Variants in NAALADL2 observed in about 807,000 individuals in gnomAD.
The protein encoded by NAALADL2 is N-acetylated alpha-linked acidic dipeptidase like 2.
Under a neutral mutation model 87.2 loss-of-function variants are expected in NAALADL2, and 76 were observed. That is an observed-to-expected ratio of 0.87 (90% confidence interval 0.72 to 1.05). NAALADL2 has a LOEUF of 1.05. Among genes scored for constraint, NAALADL2 ranks in the 50% least tolerant of loss-of-function variants. The probability of loss-of-function intolerance (pLI) is 0.00; values close to 1 mark genes in which losing one functional copy is unlikely to be tolerated. For synonymous variants in NAALADL2, 354 were observed against 331.0 expected, an observed-to-expected ratio of 1.07 and a Z score of -0.75; for missense variants, 1,089 against 945.8, an observed-to-expected ratio of 1.15 and a Z score of -1.99.
At chr3:175,121,215 C>T (rs1033122686) in intron 2 of NAALADL2, among the ~76,000 whole-genome samples, 2 of 151,876 alleles carry the variant, frequency 1.3e-5, no homozygotes, top group Non-Finnish European at 2.9e-5. Context: ...CCATACAGAT[C>T]TATAAGTGTG....
chr3:174,874,399 A>G (rs530719715), intron 1 of NAALADL2, among the ~76,000 whole-genome samples: 107 of 152,306 alleles, frequency 7.0e-4, no homozygotes, highest in Non-Finnish European at 1.3e-3. Context: ...ATAAGGCAGC[A>G]TGGGGATTTC....
intron 11 of NAALADL2, among the ~76,000 whole-genome samples, chr3:175,662,239 T>A (rs545009292): frequency 5.5e-4 from 83 of 152,082 alleles, no homozygotes; most frequent in African/African-American, 2.0e-3. Flanking sequence ...AGATTTATTT[T>A]ATTTATTTAT....
At chr3:175,773,362 G>A (rs1348147550) in intron 13 of NAALADL2, 1 of 151,944 alleles carries the variant, frequency 6.6e-6, no homozygotes, top group Non-Finnish European at 1.5e-5. Context: ...TTTCATTTCT[G>A]TATTTTTATT....
chr3:175,734,857 G>A (rs888080633), intron 11 of NAALADL2, among the ~76,000 whole-genome samples: 1 of 152,190 alleles, frequency 6.6e-6, no homozygotes, highest in African/African-American at 2.4e-5. Flanking sequence ...TCTCTGACAT[G>A]CCCTAGAGAC....
At chr3:175,288,392 A>G (rs1484154256) in intron 4 of NAALADL2, among the ~76,000 whole-genome samples, 1 of 152,184 alleles carries the variant, frequency 6.6e-6, no homozygotes, top group Non-Finnish European at 1.5e-5. Context: ...CCTCACAGAC[A>G]TACCCAGATT....
chr3:175,508,762 G>C (rs1414211489), intron 9 of NAALADL2, among the ~76,000 whole-genome samples: 3 of 151,946 alleles, frequency 2.0e-5, no homozygotes, highest in African/African-American at 7.2e-5. Context: ...TTTAATTGGT[G>C]CTTTTGGGTC....
intron 1 of NAALADL2, among the ~76,000 whole-genome samples, chr3:175,085,121 G>A (rs1355026861): frequency 6.6e-6 from 1 of 152,100 alleles, no homozygotes; most frequent in African/African-American, 2.4e-5. Flanking sequence ...GCCTTCATGG[G>A]ATTCCTTCCT....
intron 11 of NAALADL2, among the ~76,000 whole-genome samples, chr3:175,645,427 GC>G (rs1729866189): frequency 6.6e-6 from 1 of 152,146 alleles, no homozygotes; most frequent in Non-Finnish European, 1.5e-5. Context: ...TACAAACTAT[GC>G]TAAGGCTTTG....
intron 9 of NAALADL2, among the ~76,000 whole-genome samples, chr3:175,495,092 A>ATATATTTTT (rs754412056): frequency 7.3e-6 from 1 of 136,502 alleles, no homozygotes; most frequent in African/African-American, 2.9e-5. Flanking sequence ...ATATATATAT[A>ATATATTTTT]TTTTTTTTTA....
At chr3:175,738,989 T>C (rs896513086) in intron 12 of NAALADL2, among the ~76,000 whole-genome samples, 1 of 152,220 alleles carries the variant, frequency 6.6e-6, no homozygotes, top group Non-Finnish European at 1.5e-5. Context: ...TTTTTATATT[T>C]TATACTTCAG....
chr3:175,402,895 A>G (rs1711574694), intron 5 of NAALADL2, among the ~76,000 whole-genome samples: 2 of 152,140 alleles, frequency 1.3e-5, no homozygotes, highest in Admixed American at 1.3e-4. Context: ...GAGCTCTCTG[A>G]GAGAAGGGCA....
At position 175,773,877 on chromosome 3, in the gene NAALADL2, C is replaced by T. The variant is rs138092965; in HGVS notation, c.2189+18459C>T. Among the ~76,000 whole-genome samples, 307 of 152,116 alleles carry T rather than the reference C, an allele frequency of 2.0e-3. 2 individuals carry two copies. Among genetic ancestry groups the T allele is most frequent in the African/African-American group, 7.1e-3 (294 of 41,518 alleles). On this transcript the variant is annotated intron_variant, in intron 13 of 13. Transcript: ENST00000454872. Reference sequence around the variant, plus strand: ...CATTAAGATTCACTGAATTTGAGACCATGAAGCCAACTATATAGCCACTCT... The same window carrying T: ...CATTAAGATTCACTGAATTTGAGACTATGAAGCCAACTATATAGCCACTCT...
At chr3:175,521,126 A>G (rs1462610798) in intron 9 of NAALADL2, among the ~76,000 whole-genome samples, 2 of 151,940 alleles carry the variant, frequency 1.3e-5, no homozygotes, top group East Asian at 1.9e-4. Context: ...ATTATAAATT[A>G]AAAGCTAATA....
chr3:175,276,051 T>G (rs1049582394), intron 4 of NAALADL2, among the ~76,000 whole-genome samples: 1 of 151,400 alleles, frequency 6.6e-6, no homozygotes, highest in Non-Finnish European at 1.5e-5. Context: ...AAAAATGGCC[T>G]TATTTTTAAT....
At chr3:174,705,047 C>T (rs1262807626) in intron 2 of NAALADL2, among the ~76,000 whole-genome samples, 1 of 152,202 alleles carries the variant, frequency 6.6e-6, no homozygotes, top group Non-Finnish European at 1.5e-5. Context: ...ATTATTTACC[C>T]AGTTTTTACA....
chr3:175,564,817 T>A (rs1217899362), intron 9 of NAALADL2, among the ~76,000 whole-genome samples: 5 of 152,192 alleles, frequency 3.3e-5, no homozygotes, highest in African/African-American at 1.2e-4. Context: ...CTTTTCAACG[T>A]GTTCAAAGTT....
rs1163373340 is a variant in NAALADL2, at chr3:174,763,586, C to CAAAAAAAAAAAAAAAAAAAAAAAAA, written c.-9+25855_-9+25856insAAAAAAAAAAAAAAAAAAAAAAAAA. ...TGGGCTACAGAGCGAGACTCCATCT[C>CAAAAAAAAAAAAAAAAAAAAAAAAA]AAAAAAAAAAAAAAAGACTAAAATG... On this transcript the variant is annotated intron_variant, in intron 3 of 3. Coordinates refer to the NAALADL2 transcript ENST00000434257. Among the ~76,000 whole-genome samples the CAAAAAAAAAAAAAAAAAAAAAAAAA allele has an allele frequency of 2.3e-3, 112 of 48,278 alleles. 10 individuals carry two copies. The highest frequency in any genetic ancestry group is 0.02 in the Middle Eastern group (1 of 50). 31.7% of individuals were successfully genotyped at this position (48,278 alleles called of 152,430 possible).
chr3:175,755,416 T>C lies in NAALADL2; in HGVS notation c.2187T>C (p.Tyr729=). ...FLVKQAPPGF[Y]RNILYHLDEK... ...TAAAGCAGGCACCACCAGGTTTTTA[T>C]AGGTAGGATGCATGTCTCAAAAATT... The change falls in exon 13 of 14, where the codon TAT becomes TAC. Residue 729 remains tyrosine (Y), a splice_region_variant and synonymous_variant. Transcript: ENST00000454872. 1.9e-6 allele frequency: 3 copies of C among 1,587,832 alleles called. No individual in the cohort carries two copies. Among genetic ancestry groups the C allele is most frequent in the Non-Finnish European group, 1.7e-6 (2 of 1,165,966 alleles).
intron 10 of NAALADL2, among the ~76,000 whole-genome samples, chr3:175,597,109 G>GT (rs1447861938): frequency 6.6e-6 from 1 of 151,964 alleles, no homozygotes; most frequent in Admixed American, 6.6e-5. Flanking sequence ...CTTCTTGAAG[G>GT]TAACTTTCAA....
Sources: gnomAD v4.1 joint callset for allele counts (sites outside exome capture counted in the v4.1 genomes callset) on GRCh38, gnomAD v4.1.1 for gene constraint, MANE v1.5 for transcripts, NCBI Gene and HGNC (gene_info 2026-07-23, HGNC 2026-07-21) for gene names.